The following SARNP variants were observed in gnomAD, a reference collection of about 807,000 sequenced individuals.
SARNP encodes the protein SAP domain containing ribonucleoprotein.
Under a neutral mutation model 38.1 loss-of-function variants are expected in SARNP, and 5 were observed. The observed-to-expected ratio is 0.13, with a 90% CI of 0.07 to 0.28. The LOEUF (loss-of-function observed/expected upper bound fraction) is 0.28, where lower values mean the gene tolerates loss of function less well. Ranked by LOEUF, SARNP falls within the 10% of genes least tolerant of loss-of-function variation. SARNP has a pLI of 1.00. For synonymous variants in SARNP, 84 were observed against 80.6 expected (o/e 1.04, Z -0.23); for missense variants, 180 against 243.9 (o/e 0.74, Z 1.75).
intron 7 of SARNP, among the ~76,000 whole-genome samples, chr12:55,792,092 TAAAAAAAATAAA>T (rs1879687572): frequency 6.6e-6 from 1 of 151,788 alleles, no homozygotes. Context: ...CCCTGTCTCT[TAAAAAAAATAAA>T]AAAGCACCAC....
intron 1 of SARNP, among the ~76,000 whole-genome samples, chr12:55,814,654 G>A (rs898085307): frequency 2.6e-5 from 4 of 152,292 alleles, no homozygotes; most frequent in African/African-American, 9.6e-5. Context: ...AGGATCACCT[G>A]AGGTCAGTCA....
intron 9 of SARNP, among the ~76,000 whole-genome samples, chr12:55,782,948 A>G (rs1879381783): frequency 6.6e-6 from 1 of 151,928 alleles, no homozygotes; most frequent in Non-Finnish European, 1.5e-5. Flanking sequence ...CCATCTCTAC[A>G]AAAAATACTA....
At chr12:55,775,868 G>GAACCCACATA (rs1401557408) in intron 9 of SARNP, among the ~76,000 whole-genome samples, 4 of 152,208 alleles carry the variant, frequency 2.6e-5, no homozygotes, top group Admixed American at 6.5e-5. Context: ...TATTTTAACT[G>GAACCCACATA]AACCCACATA....
chr12:55,794,004 C>A (rs1374934609), intron 7 of SARNP: 20 of 218,466 alleles, frequency 9.2e-5, no homozygotes, highest in Admixed American at 9.0e-4. Flanking sequence ...AGAAGATATT[C>A]TTTTCCCTTT....
downstream of SARNP, chr12:55,756,033 G>A (rs1167478936): frequency 1.3e-5 from 2 of 152,104 alleles, no homozygotes; most frequent in Non-Finnish European, 2.9e-5. Flanking sequence ...ACCATATTCA[G>A]GAAGAAACCA....
At chr12:55,765,527 T>C (rs916104535) in intron 9 of SARNP, among the ~76,000 whole-genome samples, 2 of 151,616 alleles carry the variant, frequency 1.3e-5, no homozygotes. Flanking sequence ...TTTTTTTTAA[T>C]AGAGACAGGG....
chr12:55,800,550 A>T lies in SARNP; in HGVS notation c.251+12T>A. On this transcript the variant is annotated intron_variant, in intron 4 of 10. Coordinates refer to ENST00000336133, the MANE Select transcript of SARNP (RefSeq NM_033082.4). The stretch of plus-strand genomic sequence containing the variant: ...CTGCTCTGTACTCAGATTATAAAAA[A>T]GGGATAATTACACATCAACAGTTTT... 1 of 1,560,116 alleles carries T rather than the reference A, an allele frequency of 6.4e-7. No homozygotes were observed. Among genetic ancestry groups the T allele is most frequent in the Non-Finnish European group, 8.8e-7 (1 of 1,136,950 alleles).
At chr12:55,796,213 A>T (rs1879816680) in intron 4 of SARNP, 137 bp from the exon 5 acceptor site, 1 of 620,270 alleles carries the variant, frequency 1.6e-6, no homozygotes, top group African/African-American at 1.8e-5. Context: ...AAGAAACATG[A>T]AGTCCACTAG....
chr12:55,803,669 T>G lies in SARNP; in HGVS notation c.96A>C (p.Gln32His). 6.2e-7 allele frequency: 1 copy of G among 1,613,658 alleles called. No individual in the cohort carries two copies. The highest frequency in any genetic ancestry group is 8.5e-7 in the Non-Finnish European group (1 of 1,179,674). The part of the protein sequence containing the change: ...ARGLETKGIK[Q>H]DLIHRLQAYL... Reference sequence around the variant, plus strand: ...ATGCCTGGAGTCTGTGGATAAGATCTTGCTTTATTCCCTTGGTCTCCAAAC... The same window carrying G: ...ATGCCTGGAGTCTGTGGATAAGATCGTGCTTTATTCCCTTGGTCTCCAAAC... The change falls in exon 2 of 11, where the codon CAA (glutamine) becomes CAC (histidine). Residue 32 changes from glutamine (Q) to histidine (H), a missense_variant. Gln to His is a conservative substitution (Grantham distance 24, BLOSUM62 0). This residue lies in a region of SARNP where 161 missense variants were observed against 194.1 expected (regional missense o/e 0.83). Coordinates refer to ENST00000336133, the MANE Select transcript of SARNP (RefSeq NM_033082.4).
intron 9 of SARNP, among the ~76,000 whole-genome samples, chr12:55,777,668 C>T (rs1306606736): frequency 6.6e-6 from 1 of 152,032 alleles, no homozygotes; most frequent in African/African-American, 2.4e-5. Flanking sequence ...GCCACCACAC[C>T]CAGCCAAACC....
At chr12:55,782,406 C>T (rs1217258142) in intron 9 of SARNP, among the ~76,000 whole-genome samples, 1 of 152,150 alleles carries the variant, frequency 6.6e-6, no homozygotes, top group Admixed American at 6.5e-5. Flanking sequence ...TATGAAGTTT[C>T]TCCTTTCCGA....
intron 9 of SARNP, among the ~76,000 whole-genome samples, chr12:55,764,294 A>G (rs1878759956): frequency 6.6e-6 from 1 of 151,998 alleles, no homozygotes; most frequent in Admixed American, 6.6e-5. Flanking sequence ...AGAAAATCCC[A>G]GGAAGGATCT....
intron 1 of SARNP, among the ~76,000 whole-genome samples, chr12:55,807,123 C>T (rs372417408): frequency 2.0e-5 from 3 of 152,218 alleles, no homozygotes; most frequent in Non-Finnish European, 4.4e-5. Context: ...GATAAGGTTG[C>T]TTTTTACAAT....
chr12:55,782,002 T>A (rs911493127), intron 9 of SARNP, among the ~76,000 whole-genome samples: 12 of 152,152 alleles, frequency 7.9e-5, no homozygotes, highest in Non-Finnish European at 1.3e-4. Context: ...CTGTGCCCAG[T>A]CTAAACTTTT....
In SARNP at chr12:55,789,074, C is replaced by T; in HGVS notation, c.501+1G>A. The T allele has an allele frequency of 6.3e-7, 1 of 1,599,472 alleles. No individual in the cohort carries two copies. Among genetic ancestry groups the T allele is most frequent in the East Asian group, 2.2e-5 (1 of 44,678 alleles). ...CATTACTTCCATCGAGCCTACATTA[C>T]CTTTCTGGAGATTGAAGAGACATTC... On this transcript the variant is annotated splice_donor_variant, in intron 9 of 10. Transcript: ENST00000336133. LOFTEE classifies it high-confidence loss of function.
intron 5 of SARNP, among the ~76,000 whole-genome samples, chr12:55,795,094 G>C (rs992960122): frequency 1.2e-4 from 18 of 151,936 alleles, no homozygotes; most frequent in Admixed American, 1.2e-3. Flanking sequence ...TGAGTAGCTG[G>C]GATTACAGGA....
At chr12:55,811,615 T>C (rs138698220) in intron 1 of SARNP, among the ~76,000 whole-genome samples, 4 of 152,198 alleles carry the variant, frequency 2.6e-5, no homozygotes, top group African/African-American at 4.8e-5. Flanking sequence ...AAACCACAGC[T>C]TGTAAATAGT....
At chr12:55,790,523 G>A (rs1442283008) in intron 8 of SARNP, 44 bp downstream of exon 8, 2 of 1,543,056 alleles carry the variant, frequency 1.3e-6, no homozygotes, top group African/African-American at 1.4e-5. Flanking sequence ...TAGCTATATA[G>A]AATTAAGATC....
At chr12:55,775,550 AAAAAC>A (rs1215798702) in intron 9 of SARNP, among the ~76,000 whole-genome samples, 11 of 142,990 alleles carry the variant, frequency 7.7e-5, no homozygotes, top group African/African-American at 3.1e-4. Context: ...AACAAAAAAC[AAAAAC>A]AAAAAAAAAA....
Sources: allele counts gnomAD v4.1 joint callset (sites outside exome capture counted in the v4.1 genomes callset), GRCh38; gene constraint gnomAD v4.1.1; regional missense constraint gnomAD v4.1.1; transcripts MANE v1.5; gene names NCBI Gene and HGNC (gene_info 2026-07-23, HGNC 2026-07-21).